Variants in GABRB3 observed in about 807,000 individuals in gnomAD.
GABRB3 encodes the protein gamma-aminobutyric acid type A receptor subunit beta3, also known as gamma-aminobutyric acid receptor subunit beta-3.
In GABRB3, 14 loss-of-function variants were observed where a neutral mutation model predicts 52.1. The observed-to-expected ratio is 0.27, with a 90% CI of 0.18 to 0.42. The LOEUF (loss-of-function observed/expected upper bound fraction) is 0.42, where lower values mean the gene tolerates loss of function less well. Among genes scored for constraint, GABRB3 ranks in the 10% least tolerant of loss-of-function variants. The pLI is 1.00. For missense variants in GABRB3, 307 were observed against 609.1 expected (o/e 0.50, Z 5.22); for synonymous variants, 260 against 232.3 (o/e 1.12, Z -1.08).
intron 3 of GABRB3, among the ~76,000 whole-genome samples, chr15:26,656,713 G>A (rs1304045458): frequency 2.6e-5 from 4 of 152,184 alleles, no homozygotes; most frequent in African/African-American, 9.7e-5. Flanking sequence ...TCGAATGCCT[G>A]ATGATCTGAG....
intron 6 of GABRB3, among the ~76,000 whole-genome samples, chr15:26,570,406 CG>C (rs1193692350): frequency 6.6e-6 from 1 of 152,200 alleles, no homozygotes; most frequent in African/African-American, 2.4e-5. Context: ...ACCCTCCTCG[CG>C]GGCCTCGCCC....
intron 3 of GABRB3, among the ~76,000 whole-genome samples, chr15:26,734,772 TA>T: frequency 6.6e-6 from 1 of 152,028 alleles, no homozygotes; most frequent in East Asian, 1.9e-4. Flanking sequence ...ACCCCATCTC[TA>T]AAAAATTTAT....
In GABRB3 at chr15:26,764,209, T is replaced by C; in HGVS notation, c.240+8193A>G. ...ATATATATATATATATATATATATA[T>C]ATATATATATATATATATATATATA... is the stretch of plus-strand genomic sequence containing the variant. On this transcript the variant is annotated intron_variant, in intron 3 of 8. Coordinates refer to ENST00000311550, the MANE Select transcript of GABRB3 (RefSeq NM_000814.6). Among the ~76,000 whole-genome samples the C allele has an allele frequency of 4.2e-5, 2 of 47,518 alleles. 1 individual carries two copies. The highest frequency in any genetic ancestry group is 4.0e-4 in the Admixed American group (2 of 4,992). 31.2% of individuals were successfully genotyped at this position (47,518 alleles called of 152,430 possible). A position where few individuals can be genotyped will look rare whatever the true frequency, so the allele number is the denominator to read the frequency against.
At chr15:26,627,688 T>A (rs977128857) in intron 3 of GABRB3, among the ~76,000 whole-genome samples, 1 of 152,154 alleles carries the variant, frequency 6.6e-6, no homozygotes, top group African/African-American at 2.4e-5. Flanking sequence ...TAAACTTGAA[T>A]GAATGAGGAG....
At chr15:26,700,274 T>C (rs568465004) in intron 3 of GABRB3, among the ~76,000 whole-genome samples, 6 of 152,310 alleles carry the variant, frequency 3.9e-5, no homozygotes, top group Middle Eastern at 3.4e-3. Context: ...AGACGAACTA[T>C]TGAAGCAAAC....
At chr15:26,572,654 G>C (rs1409151809) in intron 6 of GABRB3, among the ~76,000 whole-genome samples, 1 of 152,248 alleles carries the variant, frequency 6.6e-6, no homozygotes, top group Non-Finnish European at 1.5e-5. Context: ...AGTGATCACA[G>C]CTAGTGGCAA....
chr15:26,610,527 T>C (rs1196645414), intron 4 of GABRB3, among the ~76,000 whole-genome samples: 1 of 152,200 alleles, frequency 6.6e-6, no homozygotes, highest in Non-Finnish European at 1.5e-5. Context: ...TAAGCTGATA[T>C]TCTTTTATAA....
intron 3 of GABRB3, among the ~76,000 whole-genome samples, chr15:26,699,548 A>G (rs1888859424): frequency 1.3e-5 from 2 of 151,580 alleles, no homozygotes; most frequent in Admixed American, 1.3e-4. Flanking sequence ...ACATTTTAAA[A>G]GTTATTATAA....
intron 8 of GABRB3, among the ~76,000 whole-genome samples, chr15:26,550,866 G>T (rs1889436576): frequency 6.6e-6 from 1 of 152,212 alleles, no homozygotes; most frequent in Non-Finnish European, 1.5e-5. Flanking sequence ...TACTAAATTT[G>T]TGGTAATCTG....
intron 3 of GABRB3, among the ~76,000 whole-genome samples, chr15:26,660,987 T>C (rs1887524664): frequency 6.6e-6 from 1 of 152,116 alleles, no homozygotes; most frequent in Non-Finnish European, 1.5e-5. Flanking sequence ...GGTCTCCTTA[T>C]GTTGCCCAGG....
At chr15:26,591,267 C>T (rs777109942) in intron 4 of GABRB3, among the ~76,000 whole-genome samples, 20 of 152,190 alleles carry the variant, frequency 1.3e-4, no homozygotes, top group Admixed American at 6.5e-5. Context: ...ATAGTCAACA[C>T]AAGTAACTGC....
intron 3 of GABRB3, among the ~76,000 whole-genome samples, chr15:26,713,979 G>A (rs903926588): frequency 2.0e-5 from 3 of 152,326 alleles, no homozygotes; most frequent in East Asian, 1.9e-4. Context: ...TTGCCATGGC[G>A]GGGCTGAGGT....
intron 4 of GABRB3, among the ~76,000 whole-genome samples, chr15:26,601,174 A>G (rs916491223): frequency 3.9e-5 from 6 of 152,214 alleles, no homozygotes; most frequent in African/African-American, 1.4e-4. Flanking sequence ...CTGTAAGCCC[A>G]GCACTTTGGG....
chr15:26,672,786 C>A (rs182170795), intron 3 of GABRB3, among the ~76,000 whole-genome samples: 2 of 151,888 alleles, frequency 1.3e-5, no homozygotes, highest in Non-Finnish European at 2.9e-5. Context: ...AGAGCAGATG[C>A]GCAATGTTTA....
intron 8 of GABRB3, among the ~76,000 whole-genome samples, chr15:26,559,033 A>G (rs913021909): frequency 3.3e-5 from 5 of 152,198 alleles, no homozygotes; most frequent in African/African-American, 1.2e-4. Context: ...ACGAGGACAG[A>G]ACCAGGCAGG....
In GABRB3 at chr15:26,545,513, C is replaced by T. The variant is rs1889201693; in HGVS notation, c.*2280G>A. On this transcript the variant is annotated 3_prime_UTR_variant, in exon 9 of 9. Coordinates refer to ENST00000311550, the MANE Select transcript of GABRB3 (RefSeq NM_000814.6). Reference sequence around the variant, plus strand: ...ACAGTTCTGAATAGTATAAATTATACACTTAAATAGACCATTGACTGTTTT... The same window carrying T: ...ACAGTTCTGAATAGTATAAATTATATACTTAAATAGACCATTGACTGTTTT... 6.6e-6 allele frequency: 1 copy of T among 152,590 alleles called. No individual in the cohort carries two copies. The highest frequency in any genetic ancestry group is 2.4e-5 in the African/African-American group (1 of 41,438). The allele number at this position is 152,590 out of a possible 1,614,324, so 9.5% of individuals were successfully genotyped here. A position where few individuals can be genotyped will look rare whatever the true frequency, so the allele number is the denominator to read the frequency against.
intron 3 of GABRB3, among the ~76,000 whole-genome samples, chr15:26,661,346 C>G (rs963800246): frequency 6.6e-6 from 1 of 152,142 alleles, no homozygotes; most frequent in Non-Finnish European, 1.5e-5. Context: ...CGCACACACA[C>G]GCACACAATT....
chr15:26,716,391 C>T (rs893356499), intron 3 of GABRB3, among the ~76,000 whole-genome samples: 1 of 152,186 alleles, frequency 6.6e-6, no homozygotes, highest in Non-Finnish European at 1.5e-5. Context: ...TATCTCAGCC[C>T]TTTGTGTCAT....
chr15:26,610,395 G>A (rs752550404), intron 4 of GABRB3, among the ~76,000 whole-genome samples: 1 of 152,010 alleles, frequency 6.6e-6, no homozygotes, highest in Non-Finnish European at 1.5e-5. Context: ...CCAAACCCCT[G>A]GTATTTCAGT....
Sources: allele counts gnomAD v4.1 joint callset (sites outside exome capture counted in the v4.1 genomes callset), GRCh38; gene constraint gnomAD v4.1.1; transcripts MANE v1.5; gene names NCBI Gene and HGNC (gene_info 2026-07-23, HGNC 2026-07-21).